CRISPLD2: variants seen among roughly 807,000 people sequenced by gnomAD.
CRISPLD2 encodes the protein cysteine rich secretory protein LCCL domain containing 2.
CRISPLD2 carries 47 observed loss-of-function variants against 71.1 expected under a neutral mutation model. The ratio of observed to expected loss-of-function variants is 0.66; its 90% CI spans 0.52 to 0.84. The LOEUF is 0.84. Among genes scored for constraint, CRISPLD2 ranks in the 40% least tolerant of loss-of-function variants. The pLI is 0.00. For synonymous variants in CRISPLD2, 317 were observed against 250.1 expected, an observed-to-expected ratio of 1.27 and a Z score of -2.52; for missense variants, 830 against 651.1, an observed-to-expected ratio of 1.27 and a Z score of -2.99.
rs2143403838 is a variant in CRISPLD2, at chr16:84,907,252, G to C, written c.*610G>C. 1 of 161,840 alleles carries C rather than the reference G, an allele frequency of 6.2e-6. No homozygotes were observed. The highest frequency in any genetic ancestry group is 2.4e-5 in the African/African-American group (1 of 41,640). 10.0% of individuals were successfully genotyped at this position (161,840 alleles called of 1,614,324 possible). On this transcript the variant is annotated 3_prime_UTR_variant, in exon 15 of 15. Coordinates refer to ENST00000262424, the MANE Select transcript of CRISPLD2 (RefSeq NM_031476.4). ...CTCCGCCCTGGCACGTGTCCTTGCT[G>C]GCGGCCCGCCACAGGCCCCCTTCAA...
intron 6 of CRISPLD2, among the ~76,000 whole-genome samples, chr16:84,861,621 C>T (rs1320900547): frequency 6.6e-6 from 1 of 152,152 alleles, no homozygotes; most frequent in Non-Finnish European, 1.5e-5. Flanking sequence ...ATGTTAATCT[C>T]CTTTGGCAGC....
intron 5 of CRISPLD2, among the ~76,000 whole-genome samples, chr16:84,853,662 A>C (rs1917151351): frequency 6.6e-6 from 1 of 152,194 alleles, no homozygotes; most frequent in African/African-American, 2.4e-5. Flanking sequence ...CAGCACTGGC[A>C]GGGCCCCTCC....
Position 84,872,979 on chromosome 16 carries a change from C to T in CRISPLD2, c.982-13C>T, listed in dbSNP as rs1479568588. On this transcript the variant is annotated splice_polypyrimidine_tract_variant and intron_variant, in intron 9 of 14. Transcript: ENST00000262424. ...GAGAATGTGCCTCTGGTCTTCTCTTCCCTTCCCGCCAGTCGTCTAGCATAT... is the reference window on the plus strand; with the variant it reads ...GAGAATGTGCCTCTGGTCTTCTCTTTCCTTCCCGCCAGTCGTCTAGCATAT... The T allele has an allele frequency of 1.9e-6, 3 of 1,601,022 alleles. No individual in the cohort carries two copies. Among genetic ancestry groups the T allele is most frequent in the Non-Finnish European group, 1.7e-6 (2 of 1,174,380 alleles).
At chr16:84,826,747 C>T (rs959835735) in intron 1 of CRISPLD2, among the ~76,000 whole-genome samples, 4 of 152,200 alleles carry the variant, frequency 2.6e-5, no homozygotes, top group Admixed American at 6.5e-5. Flanking sequence ...CTAGGAGAGT[C>T]GTGTGCGGGT....
rs563632306 is a variant in CRISPLD2 at position 84,831,695 on chromosome 16, C to T, written c.-74-6727C>T. Among the ~76,000 whole-genome samples, 232 of 152,118 alleles carry T rather than the reference C, an allele frequency of 1.5e-3. 2 individuals carry two copies. Among genetic ancestry groups the T allele is most frequent in the African/African-American group, 5.3e-3 (219 of 41,470 alleles). On this transcript the variant is annotated intron_variant, in intron 1 of 14. Coordinates refer to ENST00000262424, the MANE Select transcript of CRISPLD2 (RefSeq NM_031476.4). ...TGCTGGGATTATAGATGTGAGTCACCGCACCTGGCCTAATAGGATTTTTAT... is the reference window on the plus strand; with the variant it reads ...TGCTGGGATTATAGATGTGAGTCACTGCACCTGGCCTAATAGGATTTTTAT...
rs2071558150 is a variant in CRISPLD2, at chr16:84,880,446, C to G, written c.1230-63C>G. On this transcript the variant is annotated intron_variant, in intron 12 of 14. Coordinates refer to ENST00000262424, the MANE Select transcript of CRISPLD2 (RefSeq NM_031476.4). ...AATCTTGGAATTCAAATAAAGAGAG[C>G]CAGCTTAAGAAGTTTGGTTTTCTGT... 65 of 1,289,220 alleles carry G rather than the reference C, an allele frequency of 5.0e-5. No homozygotes were observed. In the South Asian group the frequency reaches 8.6e-4, roughly 17 times the overall value. 79.9% of individuals were successfully genotyped at this position (1,289,220 alleles called of 1,614,324 possible). A position where few individuals can be genotyped will look rare whatever the true frequency, so the allele number is the denominator to read the frequency against.
intron 14 of CRISPLD2, among the ~76,000 whole-genome samples, chr16:84,900,911 A>G (rs1345946289): frequency 6.6e-6 from 1 of 151,868 alleles, no homozygotes; most frequent in African/African-American, 2.4e-5. Context: ...TTAACCAGGC[A>G]TGGTGGTATG....
intron 6 of CRISPLD2, among the ~76,000 whole-genome samples, chr16:84,856,193 A>T (rs1917236033): frequency 1.3e-5 from 2 of 152,178 alleles, no homozygotes; most frequent in Non-Finnish European, 1.5e-5. Flanking sequence ...TCCTGCCTGG[A>T]TTAGGCTGTT....
chr16:84,850,694 T>C lies in CRISPLD2; in HGVS notation c.608+11T>C, dbSNP rs751986671. On this transcript the variant is annotated intron_variant, in intron 5 of 14. Transcript: ENST00000262424. ...CAATTATTCTCCAAAGTAAGACAAG[T>C]TGATGCCGTTGTATGGGGTGGGGGT... 14 of 1,604,194 alleles carry C rather than the reference T, an allele frequency of 8.7e-6. No individual in the cohort carries two copies. In the Admixed American group the frequency reaches 2.3e-4, roughly 27 times the overall value.
rs192130840 is a variant in CRISPLD2 at position 84,850,540 on chromosome 16, C to G, written c.493-28C>G. ...ACCCTTTTGTGCCTTATCCCTCGAG[C>G]TGTGACACACAAATGTCATCTTTTC... On this transcript the variant is annotated intron_variant, in intron 4 of 14. Coordinates refer to ENST00000262424, the MANE Select transcript of CRISPLD2 (RefSeq NM_031476.4). 4.2e-3 allele frequency: 6,661 copies of G among 1,588,866 alleles called. 104 individuals carry two copies. Among genetic ancestry groups the G allele is most frequent in the Non-Finnish European group, 2.5e-3 (2,893 of 1,157,018 alleles).
chr16:84,849,674 G>C (rs554304607), intron 4 of CRISPLD2, among the ~76,000 whole-genome samples, 157 bp downstream of exon 4: 8 of 152,190 alleles, frequency 5.3e-5, no homozygotes, highest in African/African-American at 1.9e-4. Flanking sequence ...GGGAGAAGAA[G>C]CTGTTTGTTA....
intron 14 of CRISPLD2, among the ~76,000 whole-genome samples, chr16:84,899,846 A>G (rs936944234): frequency 6.6e-6 from 1 of 152,112 alleles, no homozygotes; most frequent in Non-Finnish European, 1.5e-5. Context: ...CGTCCATAGA[A>G]TCTGCAGACC....
intron 3 of CRISPLD2, chr16:84,849,082 A>T (rs547675604): frequency 1.1e-5 from 3 of 268,574 alleles, no homozygotes; most frequent in Admixed American, 4.5e-5. Context: ...AGCCTACTAG[A>T]GACCCCAGGT....
chr16:84,825,806 G>A (rs1488344778), intron 1 of CRISPLD2, among the ~76,000 whole-genome samples: 9 of 151,550 alleles, frequency 5.9e-5, no homozygotes, highest in Non-Finnish European at 1.0e-4. Context: ...TAAAATAAAA[G>A]AAGAAAAAAA....
At chr16:84,846,454 A>G (rs1401803332) in intron 3 of CRISPLD2, among the ~76,000 whole-genome samples, 1 of 151,996 alleles carries the variant, frequency 6.6e-6, no homozygotes, top group Non-Finnish European at 1.5e-5. Context: ...GGGTTTCACC[A>G]TATTGGCCAG....
intron 5 of CRISPLD2, among the ~76,000 whole-genome samples, chr16:84,854,526 G>A (rs370980232): frequency 5.6e-4 from 85 of 152,202 alleles, no homozygotes; most frequent in South Asian, 2.5e-3. Context: ...CTGCAGAATC[G>A]CTGGGATTCT....
In CRISPLD2 at chr16:84,908,680, CTTTTTT is replaced by C. The variant is rs202056163; in HGVS notation, c.*2056_*2061del. 0.35 allele frequency: 40,571 copies of C among 117,580 alleles called. 6,669 individuals are homozygous for C. Among genetic ancestry groups the C allele is most frequent in the African/African-American group, 0.4 (12,486 of 31,210 alleles). 7.3% of individuals were successfully genotyped at this position (117,580 alleles called of 1,614,324 possible). A position where few individuals can be genotyped will look rare whatever the true frequency, so the allele number is the denominator to read the frequency against. ...CTTGCCCAGAGCAGGACCTGGCTGT[CTTTTTT>C]TTTTTTTTTTTTTTTTTCCCGAGAC... On this transcript the variant is annotated 3_prime_UTR_variant, in exon 15 of 15. Coordinates refer to ENST00000262424, the MANE Select transcript of CRISPLD2 (RefSeq NM_031476.4).
At chr16:84,895,940 A>G (rs765405920) in intron 14 of CRISPLD2, among the ~76,000 whole-genome samples, 5 of 152,292 alleles carry the variant, frequency 3.3e-5, no homozygotes, top group Non-Finnish European at 7.4e-5. Flanking sequence ...AACCAGCCCA[A>G]GGTCCTAAAG....
At chr16:84,849,304 C>T (rs1303871323) in intron 3 of CRISPLD2, 81 bp from the exon 4 acceptor site, 1 of 1,400,170 alleles carries the variant, frequency 7.1e-7, no homozygotes, top group Non-Finnish European at 9.8e-7. Context: ...TCCCTCCCTC[C>T]TACCTGCCCG....
Sources: allele counts gnomAD v4.1 joint callset (sites outside exome capture counted in the v4.1 genomes callset), GRCh38; gene constraint gnomAD v4.1.1; transcripts MANE v1.5; gene names NCBI Gene and HGNC (gene_info 2026-07-23, HGNC 2026-07-21).